SGO1: variants seen among roughly 807,000 people sequenced by gnomAD.
SGO1 encodes serologically defined breast cancer antigen NY-BR-85.
In SGO1, 39 loss-of-function variants were observed where a neutral mutation model predicts 50.5. The ratio of observed to expected loss-of-function variants is 0.77; its 90% CI spans 0.60 to 1.01. SGO1 has a LOEUF of 1.01. Among genes scored for constraint, SGO1 ranks in the 50% least tolerant of loss-of-function variants. SGO1 has a pLI of 0.00. For missense variants in SGO1, 638 were observed against 606.0 expected (o/e 1.05, Z -0.55); for synonymous variants, 191 against 205.1 (o/e 0.93, Z 0.59).
At chr3:20,179,458 T>A (rs1316691069) in intron 3 of SGO1, among the ~76,000 whole-genome samples, 2 of 152,166 alleles carry the variant, frequency 1.3e-5, no homozygotes, top group African/African-American at 4.8e-5. Context: ...AAAGTCTTGC[T>A]TTGTCACCCA....
At position 20,170,333 on chromosome 3, in the gene SGO1, G is replaced by A; in HGVS notation, c.*371C>T. On this transcript the variant is annotated 3_prime_UTR_variant, in exon 8 of 8. Coordinates refer to ENST00000412997, the MANE Select transcript of SGO1 (RefSeq NM_001199251.3). ...GAATCGCTTGAACCTGGGAGGCGGAGGTTGCGGTAAGCTGAGATCGTGCCA... is the reference window on the plus strand; with the variant it reads ...GAATCGCTTGAACCTGGGAGGCGGAAGTTGCGGTAAGCTGAGATCGTGCCA... 7.1e-6 allele frequency: 5 copies of A among 699,730 alleles called. No homozygotes were observed. Among genetic ancestry groups the A allele is most frequent in the Non-Finnish European group, 8.8e-6 (5 of 569,686 alleles). 43.3% of individuals were successfully genotyped at this position (699,730 alleles called of 1,614,324 possible).
At chr3:20,169,276 G>C (rs1156481846), downstream of SGO1, 1 of 985,070 alleles carries the variant, frequency 1.0e-6, no homozygotes, top group African/African-American at 1.7e-5. Context: ...TTGGGAGAGA[G>C]AAGTGTTAGG....
upstream of SGO1, chr3:20,186,405 CT>C (rs1357030853): frequency 6.6e-6 from 1 of 152,362 alleles, no homozygotes; most frequent in Non-Finnish European, 1.5e-5. Flanking sequence ...CCCGCCGGGA[CT>C]TTCTAATCAG....
chr3:20,178,954 T>C (rs539536201), intron 3 of SGO1, among the ~76,000 whole-genome samples: 1 of 152,310 alleles, frequency 6.6e-6, no homozygotes, highest in African/African-American at 2.4e-5. Flanking sequence ...TCAGTCTGAA[T>C]TGAAAGAGGC....
chr3:20,170,890 G>A (rs924967612), intron 7 of SGO1, 75 bp from the exon 8 acceptor site: 2 of 1,517,468 alleles, frequency 1.3e-6, no homozygotes, highest in Non-Finnish European at 1.8e-6. Context: ...ACCAAGTTAT[G>A]GTAAAACACA....
chr3:20,168,959 C>T (rs1014621126), downstream of SGO1: 21 of 984,662 alleles, frequency 2.1e-5, no homozygotes, highest in African/African-American at 3.5e-5. Flanking sequence ...TTTTAATGGT[C>T]TGTAGTCTTA....
At chr3:20,162,377 G>A (rs758209022) in intron 8 of SGO1, among the ~76,000 whole-genome samples, 19 of 152,258 alleles carry the variant, frequency 1.2e-4, no homozygotes, top group East Asian at 1.9e-4. Context: ...TCACATCTTC[G>A]TACTGGGGGT....
At chr3:20,175,143 G>C (rs1443039377) in intron 5 of SGO1, 88 bp from the exon 6 acceptor site, 1 of 1,294,844 alleles carries the variant, frequency 7.7e-7, no homozygotes, top group Non-Finnish European at 1.0e-6. Context: ...CTAAAAAAGT[G>C]AATGACCAAA....
chr3:20,175,196 A>C, intron 5 of SGO1, 141 bp from the exon 6 acceptor site: 1 of 869,340 alleles, frequency 1.2e-6, no homozygotes, highest in Non-Finnish European at 1.6e-6. Context: ...TCTGTAAATA[A>C]AAACCTGGGA....
At chr3:20,164,042 G>GA (rs1221579996) in intron 8 of SGO1, among the ~76,000 whole-genome samples, 1 of 152,154 alleles carries the variant, frequency 6.6e-6, no homozygotes, top group Non-Finnish European at 1.5e-5. Context: ...AACTGTTTCA[G>GA]AAAAGAGGAG....
Position 20,170,404 on chromosome 3 carries a change from A to C in SGO1, c.*300T>G. The C allele has an allele frequency of 1.0e-6, 1 of 980,634 alleles. No homozygotes were observed. Among genetic ancestry groups the C allele is most frequent in the Non-Finnish European group, 1.2e-6 (1 of 823,814 alleles). 60.7% of individuals were successfully genotyped at this position (980,634 alleles called of 1,614,324 possible). A position where few individuals can be genotyped will look rare whatever the true frequency, so the allele number is the denominator to read the frequency against. ...CAAGAATGAAATTCCGCCTCCAAAA[A>C]AAAAAAAAGATATATTTCGACTAAA... On this transcript the variant is annotated 3_prime_UTR_variant, in exon 8 of 8. Coordinates refer to ENST00000412997, the MANE Select transcript of SGO1 (RefSeq NM_001199251.3).
At chr3:20,180,062 C>T (rs764034159) in intron 3 of SGO1, among the ~76,000 whole-genome samples, 17 of 152,020 alleles carry the variant, frequency 1.1e-4, no homozygotes, top group African/African-American at 1.9e-4. Context: ...TTAGGGAGGC[C>T]GAGGCAGGGG....
In SGO1 at chr3:20,174,556, C is replaced by T. The variant is rs1402685729; in HGVS notation, c.975G>A (p.Met325Ile). The change falls in exon 6 of 8, where the codon ATG becomes ATA. Residue 325 changes from methionine (M) to isoleucine (I), a missense_variant. Coordinates refer to ENST00000412997, the MANE Select transcript of SGO1 (RefSeq NM_001199251.3). ...CATCATTGGAACTGACAGATTTGTG[C>T]ATTTTTTTTTGGGGAACAGTTTTTT... ...ENKKTVPQKK[M>I]HKSVSSNDAY... 1 of 1,607,850 alleles carries T rather than the reference C, an allele frequency of 6.2e-7. No homozygotes were observed. The highest frequency in any genetic ancestry group is 1.7e-5 in the Admixed American group (1 of 58,758).
chr3:20,161,124 G>A lies in SGO1; in HGVS notation c.1667C>T (p.Thr556Ile), dbSNP rs139865348. 855 of 1,613,784 alleles carry A rather than the reference G, an allele frequency of 5.3e-4. 7 individuals are homozygous for A. The African/African-American group carries it at 0.01, about 19-fold the overall frequency. The change falls in exon 9 of 9, where the codon ACC becomes ATC. Residue 556 changes from threonine (T) to isoleucine (I), a missense_variant. Thr to Ile is a moderately conservative substitution (Grantham distance 89). Transcript: ENST00000263753. ...TGGACTTTACCTCAAGCAGATGTGG[G>A]TTTCAAGTTTACATTTCCTACAGTC...
intron 3 of SGO1, among the ~76,000 whole-genome samples, chr3:20,180,324 C>T (rs1004051440): frequency 6.6e-6 from 1 of 152,016 alleles, no homozygotes; most frequent in Non-Finnish European, 1.5e-5. Flanking sequence ...TGAATGGAAG[C>T]TGAGGAAGTG....
intron 8 of SGO1, among the ~76,000 whole-genome samples, chr3:20,161,430 TTAAG>T (rs1333988908): frequency 6.6e-6 from 1 of 151,982 alleles, no homozygotes; most frequent in Non-Finnish European, 1.5e-5. Context: ...AGAGAAAACA[TTAAG>T]TGACAGGTTA....
chr3:20,171,064 T>C lies in SGO1; in HGVS notation c.1451A>G (p.Tyr484Cys), dbSNP rs1230517648. The C allele has an allele frequency of 1.3e-6, 2 of 1,595,810 alleles. No homozygotes were observed. ...PKRRCTASVN[Y>C]KEPTLASKLR... ...TTACGAAGCGAGGGTGGGCTCCTTA[T>C]AGTTCACGCTGGCTGTGCACCTACG... The change falls in exon 7 of 8, where the codon TAT becomes TGT. Residue 484 changes from tyrosine to cysteine, a missense_variant. Transcript: ENST00000412997.
chr3:20,181,992 A>G (rs532186041), intron 3 of SGO1, among the ~76,000 whole-genome samples: 1 of 152,054 alleles, frequency 6.6e-6, no homozygotes, highest in African/African-American at 2.4e-5. Context: ...CTGAGGCACG[A>G]GAATCACTTG....
At chr3:20,184,992 A>G (rs543389657) in intron 1 of SGO1, among the ~76,000 whole-genome samples, 1 of 152,228 alleles carries the variant, frequency 6.6e-6, no homozygotes, top group South Asian at 2.1e-4. Flanking sequence ...GGATATCTTC[A>G]TCTCCTCTAC....
Sources: gnomAD v4.1 joint callset for allele counts (sites outside exome capture counted in the v4.1 genomes callset) on GRCh38, gnomAD v4.1.1 for gene constraint, MANE v1.5 for transcripts, NCBI Gene and HGNC (gene_info 2026-07-23, HGNC 2026-07-21) for gene names.